The following POGK variants were observed in gnomAD, a reference collection of about 807,000 sequenced individuals.
POGK encodes pogo transposable element with KRAB domain.
Under a neutral mutation model 54.4 loss-of-function variants are expected in POGK, and 16 were observed. That is an observed-to-expected ratio of 0.29 (90% CI 0.20 to 0.45). The LOEUF (loss-of-function observed/expected upper bound fraction) is 0.45. POGK is among the 20% of genes least tolerant of loss of function. The probability of loss-of-function intolerance (pLI) is 1.00; values close to 1 mark genes in which losing one functional copy is unlikely to be tolerated. For synonymous variants in POGK, 271 were observed against 302.2 expected (o/e 0.90, Z 1.07); for missense variants, 515 against 795.6 (o/e 0.65, Z 4.24).
rs150489599 is a variant in POGK at position 166,841,648 on chromosome 1, C to T, written c.132+560C>T. Among the ~76,000 whole-genome samples the T allele has an allele frequency of 6.7e-3, 1,023 of 152,338 alleles. 7 individuals carry two copies. The highest frequency in any genetic ancestry group is 0.024 in the African/African-American group (978 of 41,576). ...TATACAAATGCAAATGCAGTAGATA[C>T]TTATAGTTACAGATAGTTATTCACC... On this transcript the variant is annotated intron_variant, in intron 2 of 5. Coordinates refer to ENST00000367876, the MANE Select transcript of POGK (RefSeq NM_017542.5).
At chr1:166,842,015 A>AC (rs1414675220) in intron 2 of POGK, among the ~76,000 whole-genome samples, 1 of 152,120 alleles carries the variant, frequency 6.6e-6, no homozygotes, top group East Asian at 1.9e-4. Flanking sequence ...AAAAAAAAAA[A>AC]AACAGTGCAA....
chr1:166,840,208 G>A (rs1374242350), intron 1 of POGK: 1 of 152,272 alleles, frequency 6.6e-6, no homozygotes, highest in Non-Finnish European at 1.5e-5. Context: ...CCCATAGAGG[G>A]CAGGAGTGCG....
At chr1:166,848,588 A>T (rs1364889064) in intron 4 of POGK, among the ~76,000 whole-genome samples, 1 of 152,208 alleles carries the variant, frequency 6.6e-6, no homozygotes, top group Non-Finnish European at 1.5e-5. Context: ...TGATGCAAAC[A>T]TGGCCCCCAA....
At position 166,849,230 on chromosome 1, in the gene POGK, C is replaced by T. The variant is rs1571226892; in HGVS notation, c.651C>T (p.Asn217=). 1 of 1,614,282 alleles carries T rather than the reference C, an allele frequency of 6.2e-7. No individual in the cohort carries two copies. Among genetic ancestry groups the T allele is most frequent in the Non-Finnish European group, 8.5e-7 (1 of 1,180,052 alleles). ...MVVEYAESTN[N]CQAAKQFGVL... is the part of the protein sequence containing the mutation. ...TGGAATATGCTGAGAGTACCAACAACTGCCAGGCTGCCAAGCAGTTTGGAG... is the reference window on the plus strand; with the variant it reads ...TGGAATATGCTGAGAGTACCAACAATTGCCAGGCTGCCAAGCAGTTTGGAG... The change falls in exon 5 of 6, where the codon AAC becomes AAT. Residue 217 remains asparagine, a synonymous_variant. Coordinates refer to ENST00000367876, the MANE Select transcript of POGK (RefSeq NM_017542.5).
chr1:166,845,729 G>A (rs143743452), intron 2 of POGK, among the ~76,000 whole-genome samples: 221 of 152,330 alleles, frequency 1.5e-3, no homozygotes, highest in African/African-American at 5.1e-3. Flanking sequence ...AATAGGATGA[G>A]CTTTGGAGTA....
chr1:166,840,953 A>C lies in POGK; in HGVS notation c.-2-2A>C. On this transcript the variant is annotated splice_acceptor_variant, in intron 1 of 5. Transcript: ENST00000367876. LOFTEE classifies it low-confidence loss of function (5UTR_SPLICE). ...TTTTCTGAACCTGAATCTTGCTTGC[A>C]GAGATGGAGTCCACAGCCTACCCTC... 2.5e-6 allele frequency: 4 copies of C among 1,613,928 alleles called. No homozygotes were observed. The highest frequency in any genetic ancestry group is 3.4e-6 in the Non-Finnish European group (4 of 1,179,872).
rs907273549 is a variant in POGK at position 166,855,007 on chromosome 1, C to T, written c.*2437C>T. On this transcript the variant is annotated 3_prime_UTR_variant, in exon 6 of 6. Coordinates refer to ENST00000367876, the MANE Select transcript of POGK (RefSeq NM_017542.5). ...GAGGCATTTTGGAATGAGTCAAAGG[C>T]ATGGTAGGACACGGCATTTACCTGT... 1 of 152,178 alleles carries T rather than the reference C, an allele frequency of 6.6e-6. No homozygotes were observed. Among genetic ancestry groups the T allele is most frequent in the East Asian group, 1.9e-4 (1 of 5,188 alleles). The allele number at this position is 152,178 out of a possible 1,614,324, so 9.4% of individuals were successfully genotyped here.
rs1657967407 is a variant in POGK at position 166,849,325 on chromosome 1, G to A, written c.746G>A (p.Arg249Gln). The A allele has an allele frequency of 6.8e-6, 11 of 1,614,172 alleles. No homozygotes were observed. The highest frequency in any genetic ancestry group is 3.3e-5 in the South Asian group (3 of 91,086). ...CTTCAAAACGCCCACGCCATGCGGC[G>A]GGCATTCCGAGGCCCCAAGAATGGG... Reference protein sequence around the residue: ...PQLQNAHAMRRAFRGPKNGRF... With the variant: ...PQLQNAHAMRQAFRGPKNGRF... Residue 249 changes from arginine (R) to glutamine (Q), a missense_variant, in exon 5 of 6, where the codon CGG (arginine) becomes CAG (glutamine). By Grantham distance (43) the Arg-to-Gln change is conservative (BLOSUM62 1). Coordinates refer to ENST00000367876, the MANE Select transcript of POGK (RefSeq NM_017542.5).
rs1290807852 is a variant in POGK at position 166,853,104 on chromosome 1, C to T, written c.*534C>T. ...TTTGTAGAAATGTGTCACCTATGTA[C>T]ACCTGCTACTTACACATTTCCTCTT... is the stretch of plus-strand genomic sequence containing the variant. On this transcript the variant is annotated 3_prime_UTR_variant, in exon 6 of 6. Transcript: ENST00000367876. 1 of 152,570 alleles carries T rather than the reference C, an allele frequency of 6.6e-6. No homozygotes were observed. The highest frequency in any genetic ancestry group is 1.5e-5 in the Non-Finnish European group (1 of 68,040). The allele number at this position is 152,570 out of a possible 1,614,324, so 9.5% of individuals were successfully genotyped here. A position where few individuals can be genotyped will look rare whatever the true frequency, so the allele number is the denominator to read the frequency against.
intron 2 of POGK, among the ~76,000 whole-genome samples, chr1:166,846,067 C>T (rs1657831781): frequency 6.6e-6 from 1 of 152,214 alleles, no homozygotes; most frequent in Non-Finnish European, 1.5e-5. Context: ...AAGTCTAACA[C>T]TTTGGTTAGT....
At chr1:166,844,859 C>T (rs1391744819) in intron 2 of POGK, among the ~76,000 whole-genome samples, 2 of 152,112 alleles carry the variant, frequency 1.3e-5, no homozygotes, top group African/African-American at 4.8e-5. Context: ...GTGCTCACAG[C>T]GTGGCACAGA....
At chr1:166,846,165 G>A (rs909924944) in intron 2 of POGK, among the ~76,000 whole-genome samples, 7 of 152,074 alleles carry the variant, frequency 4.6e-5, no homozygotes, top group African/African-American at 7.2e-5. Flanking sequence ...AACTCACCCC[G>A]CCCGGGGCCG....
Position 166,850,017 on chromosome 1 carries a change from T to C in POGK, c.1438T>C (p.Ser480Pro). 6.2e-7 allele frequency: 1 copy of C among 1,614,126 alleles called. No individual in the cohort carries two copies. The highest frequency in any genetic ancestry group is 1.1e-5 in the South Asian group (1 of 91,072). ...TGGCTTCCGGGGCCATGCCACAGAT[T>C]CCGTGAAGAACTCCATGGAAAGCAT... is the stretch of plus-strand genomic sequence containing the variant. Reference protein sequence around the residue: ...LNGFRGHATDSVKNSMESMNT... With the variant: ...LNGFRGHATDPVKNSMESMNT... Residue 480 changes from serine to proline, a missense_variant, in exon 5 of 6, where the codon TCC becomes CCC. By Grantham distance (74) the Ser-to-Pro change is moderately conservative (BLOSUM62 -1). Transcript: ENST00000367876.
intron 4 of POGK, among the ~76,000 whole-genome samples, chr1:166,848,108 C>T (rs1373892403): frequency 6.6e-6 from 1 of 152,162 alleles, no homozygotes; most frequent in African/African-American, 2.4e-5. Context: ...ATAGCATTGC[C>T]TCCAGACGGC....
intron 5 of POGK, 26 bp downstream of exon 5, chr1:166,850,449 G>T (rs939183458): frequency 1.2e-5 from 19 of 1,549,828 alleles, no homozygotes; most frequent in Admixed American, 5.8e-5. Context: ...TAGATACTCA[G>T]TGCCTTTGCT....
intron 2 of POGK, among the ~76,000 whole-genome samples, chr1:166,845,473 G>A (rs1247730694): frequency 1.3e-5 from 2 of 152,176 alleles, no homozygotes; most frequent in African/African-American, 2.4e-5. Flanking sequence ...AGGTGCTGTG[G>A]AGGTGGGGAG....
At chr1:166,842,369 T>C (rs1262009650) in intron 2 of POGK, among the ~76,000 whole-genome samples, 1 of 152,146 alleles carries the variant, frequency 6.6e-6, no homozygotes, top group Non-Finnish European at 1.5e-5. Context: ...GTGCTGGGGA[T>C]TGGGCATTTG....
intron 2 of POGK, among the ~76,000 whole-genome samples, chr1:166,844,368 G>C (rs961238221): frequency 2.0e-5 from 3 of 152,218 alleles, no homozygotes; most frequent in Non-Finnish European, 4.4e-5. Flanking sequence ...ACTTCCCAGG[G>C]AGAAAAAAAG....
At position 166,849,394 on chromosome 1, in the gene POGK, A is replaced by T. The variant is rs1311184367; in HGVS notation, c.815A>T (p.Tyr272Phe). The change falls in exon 5 of 6, where the codon TAC (tyrosine) becomes TTC (phenylalanine). Residue 272 changes from tyrosine (Y) to phenylalanine (F), a missense_variant. Coordinates refer to ENST00000367876, the MANE Select transcript of POGK (RefSeq NM_017542.5). ...VDQRVAEYVRYMQAKGDPITR... is the reference protein window; with the variant it reads ...VDQRVAEYVRFMQAKGDPITR... The stretch of plus-strand genomic sequence containing the variant: ...CAGCGTGTGGCCGAATATGTCAGAT[A>T]CATGCAGGCCAAAGGGGACCCCATC... 1 of 1,614,120 alleles carries T rather than the reference A, an allele frequency of 6.2e-7. No individual in the cohort carries two copies. The highest frequency in any genetic ancestry group is 1.3e-5 in the African/African-American group (1 of 74,958).
Sources: gnomAD v4.1 joint callset for allele counts (sites outside exome capture counted in the v4.1 genomes callset) on GRCh38, gnomAD v4.1.1 for gene constraint, MANE v1.5 for transcripts, NCBI Gene and HGNC (gene_info 2026-07-23, HGNC 2026-07-21) for gene names.